The following EYS variants were observed in gnomAD, a reference collection of about 807,000 sequenced individuals.
EYS encodes the protein EGF-like photoreceptor maintenance factor.
EYS carries 250 observed loss-of-function variants against 282.1 expected under a neutral mutation model. That is an observed-to-expected ratio of 0.89 (90% CI 0.80 to 0.98). The LOEUF is 0.98. Ranked by LOEUF, EYS falls within the 50% of genes least tolerant of loss-of-function variation. The pLI is 0.00. For missense variants in EYS, 4,016 were observed against 3,709.0 expected, an observed-to-expected ratio of 1.08 and a Z score of -2.15; for synonymous variants, 1,355 against 1,282.9, an observed-to-expected ratio of 1.06 and a Z score of -1.20.
In EYS at chr6:64,007,054, T is replaced by C. The variant is rs141857660; in HGVS notation, c.6726-7871A>G. Among the ~76,000 whole-genome samples the C allele has an allele frequency of 7.3e-3, 1,109 of 152,300 alleles. 3 individuals are homozygous for C. The highest frequency in any genetic ancestry group is 0.011 in the Non-Finnish European group (720 of 68,014). On this transcript the variant is annotated intron_variant, in intron 33 of 42. Coordinates refer to ENST00000503581, the MANE Select transcript of EYS (RefSeq NM_001142800.2). ...GTCCCTCATCCTCAACTTTTTGGAA[T>C]AGTTTCAGTAGGAACAGTACCAGCT...
At chr6:64,527,427 T>C (rs925167052) in intron 26 of EYS, among the ~76,000 whole-genome samples, 2 of 151,844 alleles carry the variant, frequency 1.3e-5, no homozygotes, top group African/African-American at 2.4e-5. Flanking sequence ...TAAAAATATA[T>C]GGGTTTTTAG....
chr6:65,387,818 T>A (rs1412110954), intron 7 of EYS, among the ~76,000 whole-genome samples: 1 of 152,020 alleles, frequency 6.6e-6, no homozygotes, highest in Non-Finnish European at 1.5e-5. Context: ...TTGTAATTTT[T>A]ATAATGTTTA....
Position 65,517,080 on chromosome 6 carries a change from G to A in EYS, c.-332-21087C>T, listed in dbSNP as rs912134478. Among the ~76,000 whole-genome samples the A allele has an allele frequency of 9.9e-5, 15 of 151,844 alleles. No individual in the cohort carries two copies. In the East Asian group the frequency reaches 2.9e-3, roughly 29 times the overall value. On this transcript the variant is annotated intron_variant, in intron 2 of 42. Transcript: ENST00000503581. ...TTTATCCATTTGCAAATAATTCTTA[G>A]CCTCAGTTTCCTTAGCTATAACATG... is the stretch of plus-strand genomic sequence containing the variant.
At chr6:64,513,142 G>T (rs1041487240) in intron 26 of EYS, among the ~76,000 whole-genome samples, 2 of 151,670 alleles carry the variant, frequency 1.3e-5, no homozygotes, top group Admixed American at 1.3e-4. Flanking sequence ...AATTGATCAG[G>T]TAATTCAATT....
intron 35 of EYS, among the ~76,000 whole-genome samples, chr6:63,882,256 G>T (rs1341242671): frequency 2.6e-5 from 4 of 152,162 alleles, no homozygotes; most frequent in Admixed American, 6.6e-5. Context: ...CTATTTAAGG[G>T]ATACTTTGTC....
chr6:63,898,042 G>T (rs1773575311), intron 35 of EYS, among the ~76,000 whole-genome samples: 1 of 152,186 alleles, frequency 6.6e-6, no homozygotes, highest in African/African-American at 2.4e-5. Flanking sequence ...GAGTTTAGGA[G>T]ACTTTTCTGA....
At chr6:64,515,091 T>C (rs1777524653) in intron 26 of EYS, among the ~76,000 whole-genome samples, 1 of 151,784 alleles carries the variant, frequency 6.6e-6, no homozygotes, top group African/African-American at 2.4e-5. Context: ...TACTAGTAGT[T>C]CAGTTACTTG....
At chr6:65,327,707 A>T (rs1359282051) in intron 11 of EYS, among the ~76,000 whole-genome samples, 1 of 151,586 alleles carries the variant, frequency 6.6e-6, no homozygotes, top group Non-Finnish European at 1.5e-5. Context: ...AGTATAAGAG[A>T]CCACTAATTT....
intron 12 of EYS, among the ~76,000 whole-genome samples, chr6:65,265,839 G>C (rs1432323920): frequency 6.6e-6 from 1 of 151,770 alleles, no homozygotes; most frequent in African/African-American, 2.4e-5. Context: ...TTTAACCTAG[G>C]ATTCTATTTT....
intron 31 of EYS, among the ~76,000 whole-genome samples, chr6:64,143,841 C>T (rs1258016039): frequency 6.6e-6 from 1 of 152,200 alleles, no homozygotes; most frequent in Non-Finnish European, 1.5e-5. Flanking sequence ...AATTAACTGC[C>T]ATCCTTTGGA....
intron 30 of EYS, among the ~76,000 whole-genome samples, chr6:64,305,863 G>A (rs9359868): frequency 0.72 from 109,101 of 152,022 alleles, 39,349 homozygotes; most frequent in African/African-American, 0.79. Context: ...CACAGGCAAT[G>A]AAAGAAAAAA....
chr6:65,256,094 C>G (rs1461435348), intron 12 of EYS, among the ~76,000 whole-genome samples: 1 of 151,926 alleles, frequency 6.6e-6, no homozygotes, highest in Admixed American at 6.6e-5. Context: ...TTGGAAGCAA[C>G]CTGCATGTCC....
chr6:65,326,896 A>G (rs1352022912), intron 11 of EYS, among the ~76,000 whole-genome samples: 2 of 151,694 alleles, frequency 1.3e-5, no homozygotes, highest in African/African-American at 4.8e-5. Flanking sequence ...AAGATTTGTC[A>G]GTAGACCACA....
chr6:64,658,173 C>G (rs7746408), intron 22 of EYS, among the ~76,000 whole-genome samples: 1 of 151,986 alleles, frequency 6.6e-6, no homozygotes, highest in Non-Finnish European at 1.5e-5. Context: ...GCATTCGTCA[C>G]GTAGTTCTCC....
rs189232929 is a variant in EYS, at chr6:64,974,453, C to G, written c.2259+23129G>C. 9.9e-5 allele frequency among the ~76,000 whole-genome samples: 15 copies of G among 151,848 alleles called. No homozygotes were observed. In the East Asian group the frequency reaches 2.5e-3, roughly 26 times the overall value. On this transcript the variant is annotated intron_variant, in intron 14 of 42. Coordinates refer to ENST00000503581, the MANE Select transcript of EYS (RefSeq NM_001142800.2). Reference sequence around the variant, plus strand: ...GCTCATAATTACTGAATCAGACTATCTAGTAATGGCCTCCAGGAATCTGCA... The same window carrying G: ...GCTCATAATTACTGAATCAGACTATGTAGTAATGGCCTCCAGGAATCTGCA...
At chr6:64,026,359 T>A (rs931683313) in intron 33 of EYS, among the ~76,000 whole-genome samples, 1 of 152,082 alleles carries the variant, frequency 6.6e-6, no homozygotes, top group African/African-American at 2.4e-5. Context: ...GTCTTTCAGA[T>A]GGGAAACACT....
At chr6:64,579,127 T>C (rs1447480024) in intron 26 of EYS, among the ~76,000 whole-genome samples, 3 of 152,140 alleles carry the variant, frequency 2.0e-5, no homozygotes, top group African/African-American at 7.2e-5. Flanking sequence ...AGAATGTGTC[T>C]CAGGTCTTTA....
chr6:64,878,536 G>T (rs569420005), intron 19 of EYS, among the ~76,000 whole-genome samples: 96 of 152,168 alleles, frequency 6.3e-4, no homozygotes, highest in African/African-American at 2.2e-3. Context: ...AGGATTGTCA[G>T]GCAGCACCAA....
intron 12 of EYS, among the ~76,000 whole-genome samples, chr6:65,201,110 T>G (rs559868309): frequency 1.3e-5 from 2 of 152,160 alleles, no homozygotes; most frequent in Non-Finnish European, 2.9e-5. Flanking sequence ...TACAATAGAA[T>G]AAGACCACAC....
Sources: allele counts gnomAD v4.1 joint callset (sites outside exome capture counted in the v4.1 genomes callset), GRCh38; gene constraint gnomAD v4.1.1; transcripts MANE v1.5; gene names NCBI Gene and HGNC (gene_info 2026-07-23, HGNC 2026-07-21).